Variants in EAPP observed in about 807,000 individuals in gnomAD.
The protein encoded by EAPP is E2F-associated phosphoprotein.
Under a neutral mutation model 34.3 loss-of-function variants are expected in EAPP, and 38 were observed. The ratio of observed to expected loss-of-function variants is 1.11; its 90% CI spans 0.85 to 1.45. The LOEUF (loss-of-function observed/expected upper bound fraction) is 1.45, where lower values mean the gene tolerates loss of function less well. Among genes scored for constraint, EAPP ranks in the 40% most tolerant of loss-of-function variants. The pLI, the probability that EAPP is intolerant of heterozygous loss-of-function variation, is 0.00. For synonymous variants in EAPP, 113 were observed against 117.6 expected, an observed-to-expected ratio of 0.96 and a Z score of 0.25; for missense variants, 338 against 343.7, an observed-to-expected ratio of 0.98 and a Z score of 0.13.
chr14:34,521,587 AAT>A (rs1311930222), intron 5 of EAPP, among the ~76,000 whole-genome samples: 4 of 150,894 alleles, frequency 2.7e-5, no homozygotes, highest in African/African-American at 9.7e-5. Flanking sequence ...GAGAGCCTCT[AAT>A]GAATTTTTTA....
rs1396521818 is a variant in EAPP, at chr14:34,539,687, G to A, written c.-59C>T. 1.4e-6 allele frequency: 2 copies of A among 1,466,658 alleles called. No homozygotes were observed. Among genetic ancestry groups the A allele is most frequent in the Non-Finnish European group, 1.8e-6 (2 of 1,102,888 alleles). 90.9% of individuals were successfully genotyped at this position (1,466,658 alleles called of 1,614,324 possible). On this transcript the variant is annotated 5_prime_UTR_variant, in exon 1 of 6. Coordinates refer to ENST00000250454, the MANE Select transcript of EAPP (RefSeq NM_018453.4). ...AATTTGCAGCGTCTCTGTTTACACT[G>A]CAAGTCCAGTCCCTAAAGCGCCCCT...
At chr14:34,533,014 C>T (rs1880346735) in intron 3 of EAPP, among the ~76,000 whole-genome samples, 1 of 149,438 alleles carries the variant, frequency 6.7e-6, no homozygotes, top group South Asian at 2.1e-4. Flanking sequence ...CTTTTGTTTT[C>T]ACATCAATGG....
chr14:34,521,870 G>A (rs985902265), intron 5 of EAPP, among the ~76,000 whole-genome samples: 44 of 151,954 alleles, frequency 2.9e-4, no homozygotes, highest in Admixed American at 5.9e-4. Context: ...TCCTGACCTC[G>A]TGATCAGCCC....
chr14:34,539,481 G>A (rs1390148704), intron 1 of EAPP, 74 bp downstream of exon 1: 1 of 1,498,124 alleles, frequency 6.7e-7, no homozygotes. Context: ...GGCTCGGCAG[G>A]CGCAACGAAT....
intron 5 of EAPP, among the ~76,000 whole-genome samples, chr14:34,519,352 T>C (rs915478984): frequency 2.6e-5 from 4 of 152,054 alleles, no homozygotes; most frequent in African/African-American, 9.7e-5. Context: ...CTGACCGATA[T>C]GGTGAAACCC....
Position 34,516,478 on chromosome 14 carries a change from C to T in EAPP, c.690G>A (p.Arg230=). The T allele has an allele frequency of 6.2e-7, 1 of 1,614,112 alleles. No homozygotes were observed. The highest frequency in any genetic ancestry group is 8.5e-7 in the Non-Finnish European group (1 of 1,180,032). Residue 230 remains arginine, a synonymous_variant, in exon 6 of 6, where the codon CGG becomes CGA. Coordinates refer to ENST00000250454, the MANE Select transcript of EAPP (RefSeq NM_018453.4). ...YKASENRKKR[R]VHKKMRSNRE... is the part of the protein sequence containing the mutation. The stretch of plus-strand genomic sequence containing the variant: ...GGTTAGACCTCATCTTCTTATGGAC[C>T]CGCCTTTTCTTCCTGTTCTCTGAGG...
intron 2 of EAPP, among the ~76,000 whole-genome samples, chr14:34,534,886 C>G (rs956380648): frequency 1.3e-5 from 2 of 150,614 alleles, no homozygotes; most frequent in Non-Finnish European, 2.9e-5. Flanking sequence ...GTCACCCAGG[C>G]TGGAGTGCAA....
chr14:34,529,359 C>T lies in EAPP; in HGVS notation c.469G>A (p.Gly157Ser), dbSNP rs1880201919. The T allele has an allele frequency of 6.3e-7, 1 of 1,584,418 alleles. No homozygotes were observed. The highest frequency in any genetic ancestry group is 8.6e-7 in the Non-Finnish European group (1 of 1,157,460). The change falls in exon 4 of 6, where the codon GGT becomes AGT. Residue 157 changes from glycine to serine, a missense_variant and splice_region_variant. Transcript: ENST00000250454. ...TAAATATTAACTTTAAGTTCTTACC[C>T]CCTTCTCTGTGCATCAACCCAGGCC... ...DQAWVDAQRR[G>S]YHGLGPQRSR...
chr14:34,523,894 T>C (rs114740171), intron 5 of EAPP, among the ~76,000 whole-genome samples: 3,182 of 152,174 alleles, frequency 0.021, 96 homozygotes, highest in African/African-American at 0.067. Context: ...ATTAATTGTA[T>C]AAAGATTAGT....
intron 5 of EAPP, among the ~76,000 whole-genome samples, chr14:34,521,028 A>G (rs576400644): frequency 6.6e-6 from 1 of 152,116 alleles, no homozygotes; most frequent in East Asian, 1.9e-4. Context: ...CTCTGGCCAT[A>G]AATATCTCCT....
rs545808929 is a variant in EAPP at position 34,537,752 on chromosome 14, T to C, written c.75-1477A>G. 2.0e-5 allele frequency among the ~76,000 whole-genome samples: 3 copies of C among 152,312 alleles called. No homozygotes were observed. The East Asian group carries it at 5.8e-4, about 29-fold the overall frequency. On this transcript the variant is annotated intron_variant, in intron 1 of 5. Transcript: ENST00000250454. ...GACCCTCAGCGTAATACCTGTAGGG[T>C]TGACAAGCAAGAGCAAGCCACACAA...
At chr14:34,525,397 T>C (rs753479492) in intron 4 of EAPP, among the ~76,000 whole-genome samples, 3 of 147,540 alleles carry the variant, frequency 2.0e-5, no homozygotes, top group African/African-American at 5.4e-5. Context: ...CTCAGGTTGG[T>C]AGTATGTACT....
chr14:34,534,668 G>A (rs1880406699), intron 2 of EAPP, among the ~76,000 whole-genome samples: 1 of 151,764 alleles, frequency 6.6e-6, no homozygotes, highest in Non-Finnish European at 1.5e-5. Flanking sequence ...CAAGTAAACA[G>A]TATTAACTAA....
intron 5 of EAPP, 94 bp downstream of exon 5, chr14:34,524,603 A>T: frequency 1.1e-6 from 1 of 944,788 alleles, no homozygotes; most frequent in Non-Finnish European, 1.6e-6. Flanking sequence ...GCAACAGAGT[A>T]AGACTCTGAC....
At chr14:34,524,989 C>G (rs1433853550) in intron 4 of EAPP, among the ~76,000 whole-genome samples, 182 bp from the exon 5 acceptor site, 1 of 151,878 alleles carries the variant, frequency 6.6e-6, no homozygotes, top group Non-Finnish European at 1.5e-5. Flanking sequence ...ATCAAGAAAA[C>G]AAAAACAAAA....
intron 4 of EAPP, among the ~76,000 whole-genome samples, chr14:34,526,474 C>A (rs1880099331): frequency 6.6e-6 from 1 of 151,484 alleles, no homozygotes; most frequent in African/African-American, 2.4e-5. Context: ...TGGAATTACA[C>A]CTGTAATCCC....
chr14:34,529,530 C>G, intron 3 of EAPP, 55 bp from the exon 4 acceptor site: 2 of 1,230,742 alleles, frequency 1.6e-6, no homozygotes, highest in Non-Finnish European at 2.3e-6. Context: ...GTTCACACTT[C>G]TTTAAATGAA....
intron 5 of EAPP, 73 bp from the exon 6 acceptor site, chr14:34,516,659 G>C: frequency 6.9e-7 from 1 of 1,456,384 alleles, no homozygotes; most frequent in East Asian, 2.3e-5. Context: ...GATAAAATTT[G>C]AGAATACCAA....
At chr14:34,527,951 T>C (rs1397419541) in intron 4 of EAPP, among the ~76,000 whole-genome samples, 1 of 152,196 alleles carries the variant, frequency 6.6e-6, no homozygotes, top group African/African-American at 2.4e-5. Context: ...TGGGTACTTT[T>C]GTTATGTGAA....
Sources: gnomAD v4.1 joint callset for allele counts (sites outside exome capture counted in the v4.1 genomes callset) on GRCh38, gnomAD v4.1.1 for gene constraint, MANE v1.5 for transcripts, NCBI Gene and HGNC (gene_info 2026-07-23, HGNC 2026-07-21) for gene names.